The following MARCHF1 variants were observed in gnomAD, a reference collection of about 807,000 sequenced individuals.
MARCHF1 encodes the protein membrane associated ring-CH-type finger 1.
MARCHF1 carries 40 observed loss-of-function variants against 54.2 expected under a neutral mutation model. The observed-to-expected ratio is 0.74, with a 90% confidence interval of 0.57 to 0.96. The LOEUF (loss-of-function observed/expected upper bound fraction) is 0.96, where lower values mean the gene tolerates loss of function less well. MARCHF1 is among the 40% of genes least tolerant of loss of function. The pLI, the probability that MARCHF1 is intolerant of heterozygous loss-of-function variation, is 0.00. For synonymous variants in MARCHF1, 236 were observed against 236.3 expected, an observed-to-expected ratio of 1.00 and a Z score of 0.01; for missense variants, 586 against 656.5, an observed-to-expected ratio of 0.89 and a Z score of 1.17.
Position 163,660,224 on chromosome 4 carries a change from T to TA in MARCHF1, c.162+40588dup, listed in dbSNP as rs755442918. 4.9e-4 allele frequency among the ~76,000 whole-genome samples: 75 copies of TA among 152,074 alleles called. 1 individual carries two copies. The highest frequency in any genetic ancestry group is 9.0e-4 in the Non-Finnish European group (61 of 67,990). On this transcript the variant is annotated intron_variant, in intron 5 of 9. Coordinates refer to ENST00000514618, the MANE Select transcript of MARCHF1 (RefSeq NM_001394959.1). ...TATATGAAGGAATACTATGCAGCCATAAAAAATAATGAGTTCAAGTCCTTT... is the reference window on the plus strand; with the variant it reads ...TATATGAAGGAATACTATGCAGCCATAAAAAAATAATGAGTTCAAGTCCTTT...
At chr4:164,120,099 A>G (rs1483003011) in intron 1 of MARCHF1, among the ~76,000 whole-genome samples, 1 of 123,238 alleles carries the variant, frequency 8.1e-6, no homozygotes, top group Non-Finnish European at 2.0e-5. Flanking sequence ...AATATTATCA[A>G]ATAGAACTTA....
chr4:164,275,300 C>T (rs1313752548), intron 1 of MARCHF1, among the ~76,000 whole-genome samples: 1 of 152,122 alleles, frequency 6.6e-6, no homozygotes, highest in Non-Finnish European at 1.5e-5. Context: ...CGTCTGCGGC[C>T]ATTGTGCTGC....
chr4:164,174,594 TTC>T (rs1322171475), intron 1 of MARCHF1, among the ~76,000 whole-genome samples: 1 of 152,208 alleles, frequency 6.6e-6, no homozygotes, highest in African/African-American at 2.4e-5. Context: ...TCTCCCAGTT[TTC>T]TCTCTCCAGG....
At chr4:164,148,836 C>G (rs1729848948) in intron 1 of MARCHF1, among the ~76,000 whole-genome samples, 1 of 152,070 alleles carries the variant, frequency 6.6e-6, no homozygotes, top group South Asian at 2.1e-4. Context: ...TTAATATGGA[C>G]AAAGACACTA....
intron 1 of MARCHF1, among the ~76,000 whole-genome samples, chr4:164,241,218 C>G (rs1560969047): frequency 6.6e-6 from 1 of 152,122 alleles, no homozygotes; most frequent in Non-Finnish European, 1.5e-5. Context: ...ATTTCATCCC[C>G]AACCAATCAG....
intron 8 of MARCHF1, among the ~76,000 whole-genome samples, chr4:163,568,965 T>G (rs1439114921): frequency 3.3e-5 from 5 of 152,188 alleles, no homozygotes; most frequent in Admixed American, 6.5e-5. Flanking sequence ...AAAGACTGTC[T>G]GTAGCAGTTG....
chr4:164,328,121 T>C (rs1380095726), intron 1 of MARCHF1, among the ~76,000 whole-genome samples: 1 of 152,182 alleles, frequency 6.6e-6, no homozygotes, highest in African/African-American at 2.4e-5. Flanking sequence ...TTTTTTACTT[T>C]AAAAATATCC....
At chr4:163,934,576 T>TAAA (rs551026107) in intron 3 of MARCHF1, among the ~76,000 whole-genome samples, 5 of 77,870 alleles carry the variant, frequency 6.4e-5, no homozygotes, top group Non-Finnish European at 9.5e-5. Flanking sequence ...TCTTTTTAAG[T>TAAA]AAAAAAAAAA....
chr4:164,290,778 A>G (rs1385830527), intron 1 of MARCHF1, among the ~76,000 whole-genome samples: 2 of 151,954 alleles, frequency 1.3e-5, no homozygotes, highest in Non-Finnish European at 2.9e-5. Flanking sequence ...TTTATGCTAA[A>G]TACTTCAAAC....
intron 1 of MARCHF1, among the ~76,000 whole-genome samples, chr4:164,351,020 G>C (rs189515380): frequency 6.6e-6 from 1 of 151,964 alleles, no homozygotes; most frequent in Non-Finnish European, 1.5e-5. Context: ...CTGGAAAATC[G>C]GGTTACTCCC....
At chr4:164,169,131 T>C (rs981112855) in intron 1 of MARCHF1, among the ~76,000 whole-genome samples, 3 of 152,128 alleles carry the variant, frequency 2.0e-5, no homozygotes, top group African/African-American at 7.2e-5. Flanking sequence ...ATAATAGATA[T>C]GTTCATCTGC....
intron 2 of MARCHF1, among the ~76,000 whole-genome samples, chr4:164,081,311 A>G (rs2111113612): frequency 6.6e-6 from 1 of 151,646 alleles, no homozygotes; most frequent in African/African-American, 2.4e-5. Context: ...AACACACAAT[A>G]TAATTATGTC....
At chr4:163,905,963 C>T (rs1751058600) in intron 3 of MARCHF1, among the ~76,000 whole-genome samples, 1 of 152,036 alleles carries the variant, frequency 6.6e-6, no homozygotes, top group African/African-American at 2.4e-5. Context: ...ATATATTTCT[C>T]TGTTAACATA....
chr4:163,898,712 T>C (rs940297571), intron 3 of MARCHF1, among the ~76,000 whole-genome samples: 2 of 152,114 alleles, frequency 1.3e-5, no homozygotes, highest in Non-Finnish European at 2.9e-5. Flanking sequence ...AAGAAATCAT[T>C]ACATAAAAAA....
chr4:163,818,207 T>G (rs979846071), intron 4 of MARCHF1, among the ~76,000 whole-genome samples: 6 of 152,162 alleles, frequency 3.9e-5, no homozygotes, highest in African/African-American at 1.4e-4. Flanking sequence ...AATACTTTAT[T>G]TCTTTATATT....
At chr4:163,957,740 A>C (rs1209079534) in intron 3 of MARCHF1, among the ~76,000 whole-genome samples, 1 of 151,976 alleles carries the variant, frequency 6.6e-6, no homozygotes, top group Non-Finnish European at 1.5e-5. Flanking sequence ...TATAACCTTT[A>C]CACCCAACTT....
chr4:163,650,847 A>C (rs1388122823), intron 5 of MARCHF1, among the ~76,000 whole-genome samples: 1 of 151,956 alleles, frequency 6.6e-6, no homozygotes, highest in Non-Finnish European at 1.5e-5. Context: ...AGTCTGAAAC[A>C]ACTGGATATG....
At chr4:163,760,629 T>C (rs540822428) in intron 4 of MARCHF1, among the ~76,000 whole-genome samples, 3 of 152,310 alleles carry the variant, frequency 2.0e-5, no homozygotes, top group South Asian at 2.1e-4. Flanking sequence ...GAACTGGAGA[T>C]ACAATTTGCA....
intron 3 of MARCHF1, among the ~76,000 whole-genome samples, chr4:163,863,961 A>G (rs888756148): frequency 2.0e-5 from 3 of 152,188 alleles, no homozygotes; most frequent in Admixed American, 1.3e-4. Flanking sequence ...AACAAAATAA[A>G]GTAGTAACAG....
Sources: gnomAD v4.1 joint callset for allele counts (sites outside exome capture counted in the v4.1 genomes callset) on GRCh38, gnomAD v4.1.1 for gene constraint, MANE v1.5 for transcripts, NCBI Gene and HGNC (gene_info 2026-07-23, HGNC 2026-07-21) for gene names.